Variants in ITPR3 observed in about 807,000 individuals in gnomAD.
ITPR3 encodes inositol 1,4,5-trisphosphate receptor type 3.
ITPR3 carries 173 observed loss-of-function variants against 293.2 expected under a neutral mutation model. The observed-to-expected ratio is 0.59, with a 90% CI of 0.52 to 0.67. The LOEUF is 0.67. ITPR3 is among the 30% of genes least tolerant of loss of function. The pLI, the probability that ITPR3 is intolerant of heterozygous loss-of-function variation, is 0.00. For missense variants in ITPR3, 2,796 were observed against 3,592.1 expected (o/e 0.78, Z 5.66); for synonymous variants, 1,295 against 1,444.4 (o/e 0.90, Z 2.35).
chr6:33,663,668 T>G (rs2127271096), intron 10 of ITPR3, 70 bp from the exon 11 acceptor site: 2 of 1,608,512 alleles, frequency 1.2e-6, no homozygotes, highest in Middle Eastern at 3.3e-4. Context: ...GGATCTCAGG[T>G]GGGATCCCAG....
In ITPR3 at chr6:33,672,187, G is replaced by T; in HGVS notation, c.2887G>T (p.Val963Leu). ...RSKFEENEDI[V>L]VMETKLKILE... ...CAAGTTTGAGGAGAATGAGGACATT[G>T]TGGTGATGGAGACCAAGCTGAAGAT... The change falls in exon 22 of 58, where the codon GTG becomes TTG. Residue 963 changes from valine to leucine, a missense_variant. Physicochemically the swap from Val to Leu is conservative, Grantham distance 32 (BLOSUM62 1). This residue lies in a region of ITPR3 where 955 missense variants were observed against 1,180.8 expected (regional missense o/e 0.81). Transcript: ENST00000605930. The surrounding 1 kb of genome is among the most constrained non-coding windows in gnomAD (Gnocchi z 5.0). 1 of 1,613,990 alleles carries T rather than the reference G, an allele frequency of 6.2e-7. No homozygotes were observed. Among genetic ancestry groups the T allele is most frequent in the Non-Finnish European group, 8.5e-7 (1 of 1,180,000 alleles).
chr6:33,663,278 C>T (rs1764522504), intron 9 of ITPR3, among the ~76,000 whole-genome samples: 1 of 152,172 alleles, frequency 6.6e-6, no homozygotes, highest in Non-Finnish European at 1.5e-5. Flanking sequence ...AATGCGCACA[C>T]TTGTGTGTGT....
At position 33,667,589 on chromosome 6, in the gene ITPR3, G is replaced by A. The variant is rs564466319; in HGVS notation, c.1714-203G>A. 8.5e-5 allele frequency among the ~76,000 whole-genome samples: 13 copies of A among 152,304 alleles called. No homozygotes were observed. Among genetic ancestry groups the A allele is most frequent in the Admixed American group, 2.6e-4 (4 of 15,304 alleles). On this transcript the variant is annotated intron_variant, in intron 15 of 57. Coordinates refer to ENST00000605930, the MANE Select transcript of ITPR3 (RefSeq NM_002224.4). The surrounding 1 kb of genome is among the most constrained non-coding windows in gnomAD (Gnocchi z 4.4). ...AGGTCCCTGCCCTCGTGGAGGTTTC[G>A]CTCTGGTGGGAAACAGCCCACAAGC...
rs59543122 is a variant in ITPR3, at chr6:33,636,123, C to CAAAAAAAA, written c.90-4339_90-4332dup. Reference sequence around the variant, plus strand: ...CCAACGTGGTGAAACGCTGTCTCTACAAAAAAAAAAAAAAAAAAAAAAAAA... The same window carrying CAAAAAAAA: ...CCAACGTGGTGAAACGCTGTCTCTACAAAAAAAAAAAAAAAAAAAAAAAAAAAAAAAAA... On this transcript the variant is annotated intron_variant, in intron 1 of 57. Coordinates refer to ENST00000605930, the MANE Select transcript of ITPR3 (RefSeq NM_002224.4). Among the ~76,000 whole-genome samples the CAAAAAAAA allele has an allele frequency of 7.6e-4, 63 of 83,310 alleles. 1 individual carries two copies. Among genetic ancestry groups the CAAAAAAAA allele is most frequent in the Non-Finnish European group, 1.2e-3 (58 of 48,146 alleles). The allele number at this position is 83,310 out of a possible 152,430, so 54.7% of individuals were successfully genotyped here.
At chr6:33,689,153 A>G in intron 49 of ITPR3, 85 bp from the exon 50 acceptor site, 1 of 1,466,804 alleles carries the variant, frequency 6.8e-7, no homozygotes, top group South Asian at 1.2e-5. Flanking sequence ...GGCCAGGAGA[A>G]GGTGGCTTTT....
chr6:33,650,604 C>T (rs1764163775), intron 2 of ITPR3, among the ~76,000 whole-genome samples: 1 of 152,196 alleles, frequency 6.6e-6, no homozygotes, highest in South Asian at 2.1e-4. Flanking sequence ...AATGCATCCA[C>T]CCTATAAGGG....
At chr6:33,693,035 A>T in intron 55 of ITPR3, 142 bp downstream of exon 55, 1 of 780,488 alleles carries the variant, frequency 1.3e-6, no homozygotes. Flanking sequence ...TCATCCCAGA[A>T]CTGGGGAGAA....
intron 2 of ITPR3, among the ~76,000 whole-genome samples, chr6:33,643,161 G>A (rs143391660): frequency 7.2e-5 from 11 of 152,344 alleles, no homozygotes; most frequent in East Asian, 1.9e-4. Flanking sequence ...TATGGCAGGC[G>A]TTTTAGAAGT....
chr6:33,640,766 A>C (rs1763932978), intron 2 of ITPR3, among the ~76,000 whole-genome samples: 1 of 151,888 alleles, frequency 6.6e-6, no homozygotes, highest in Non-Finnish European at 1.5e-5. Flanking sequence ...CTGGGGCCAC[A>C]CCCCACTTCT....
rs770956589 is a variant in ITPR3 at position 33,675,732 on chromosome 6, G to A, written c.3158G>A (p.Arg1053His). 3.1e-6 allele frequency: 5 copies of A among 1,611,172 alleles called. No homozygotes were observed. Among genetic ancestry groups the A allele is most frequent in the African/African-American group, 2.7e-5 (2 of 74,770 alleles). Residue 1053 changes from arginine (R) to histidine (H), a missense_variant, in exon 25 of 58, where the codon CGC (arginine) becomes CAC (histidine). Arg to His is a conservative substitution (Grantham distance 29, BLOSUM62 0). This residue lies in a region of ITPR3 where 955 missense variants were observed against 1,180.8 expected (regional missense o/e 0.81). Coordinates refer to ENST00000605930, the MANE Select transcript of ITPR3 (RefSeq NM_002224.4). This position sits in a 1 kb window ranked among gnomAD's most constrained non-coding sequence, Gnocchi z 5.0. ...CTGGAGGTGGATGACGAGGGCGGCC[G>A]CATGTTCCTGCGCGTGCTCATCCAC... ...SMLEVDDEGGRMFLRVLIHLT... is the reference protein window; with the variant it reads ...SMLEVDDEGGHMFLRVLIHLT...
intron 9 of ITPR3, 56 bp from the exon 10 acceptor site, chr6:33,663,444 C>A: frequency 6.6e-7 from 1 of 1,522,008 alleles, no homozygotes; most frequent in South Asian, 1.2e-5. Flanking sequence ...TGCAGTGGGT[C>A]GTGTGGGTAT....
In ITPR3 at chr6:33,687,610, C is replaced by G. The variant is rs1322236801; in HGVS notation, c.6264+46C>G. The G allele has an allele frequency of 2.0e-6, 3 of 1,466,512 alleles. No homozygotes were observed. Among genetic ancestry groups the G allele is most frequent in the Non-Finnish European group, 2.8e-6 (3 of 1,057,566 alleles). The allele number at this position is 1,466,512 out of a possible 1,614,324, so 90.8% of individuals were successfully genotyped here. A position where few individuals can be genotyped will look rare whatever the true frequency, so the allele number is the denominator to read the frequency against. ...TGGGGTGGGGGTGGGGCCTGGAACC[C>G]AGGGAGGACACTTGACCCAAGGGCG... On this transcript the variant is annotated intron_variant, in intron 46 of 57. Transcript: ENST00000605930. The surrounding 1 kb of genome is among the most constrained non-coding windows in gnomAD (Gnocchi z 5.3).
chr6:33,662,010 A>AAAAAAAAAAAAC (rs1764484156), intron 7 of ITPR3, among the ~76,000 whole-genome samples: 1 of 150,430 alleles, frequency 6.6e-6, no homozygotes, highest in Non-Finnish European at 1.5e-5. Flanking sequence ...AAAAAAAAAA[A>AAAAAAAAAAAAC]AAAAAAAGAC....
chr6:33,660,059 G>A (rs1049358715), intron 7 of ITPR3, among the ~76,000 whole-genome samples: 1 of 152,162 alleles, frequency 6.6e-6, no homozygotes, highest in Non-Finnish European at 1.5e-5. Context: ...TGAAGACTTC[G>A]GGAGGATCCA....
intron 1 of ITPR3, among the ~76,000 whole-genome samples, chr6:33,636,931 C>T (rs1763838520): frequency 1.3e-5 from 2 of 152,206 alleles, no homozygotes; most frequent in Non-Finnish European, 1.5e-5. Flanking sequence ...TCCCGTCATT[C>T]TGCAGTCCTG....
chr6:33,649,439 A>G (rs373399483), intron 2 of ITPR3, among the ~76,000 whole-genome samples: 1 of 151,536 alleles, frequency 6.6e-6, no homozygotes, highest in Non-Finnish European at 1.5e-5. Context: ...TGGTCAGGCT[A>G]GTCTCAAACT....
chr6:33,689,208 A>AGCCCTGCTC (rs770692327), intron 49 of ITPR3, 30 bp from the exon 50 acceptor site: 1 of 1,601,892 alleles, frequency 6.2e-7, no homozygotes, highest in South Asian at 1.1e-5. Context: ...GGCTTGAGGG[A>AGCCCTGCTC]GCCCTGCTCA....
chr6:33,623,076 G>A (rs1763474604), intron 1 of ITPR3, among the ~76,000 whole-genome samples: 1 of 152,114 alleles, frequency 6.6e-6, no homozygotes, highest in Non-Finnish European at 1.5e-5. Flanking sequence ...GCCTCCTCCA[G>A]AGAGCAGTGA....
In ITPR3 at chr6:33,687,478, C is replaced by A. The variant is rs753989473; in HGVS notation, c.6178C>A (p.Leu2060Ile). The part of the protein sequence containing the change: ...GHNIYILALQ[L>I]SRHNKQLQHL... ...GTGACTGTGCTGCCATTTCCCTCAG[C>A]TCTCCAGGCACAATAAACAGCTGCA... The change falls in exon 46 of 58, where the codon CTC becomes ATC. Residue 2060 changes from leucine to isoleucine, a missense_variant and splice_region_variant. Leu to Ile is a conservative substitution (Grantham distance 5). Around this residue, in one of 8 missense-constraint regions of ITPR3, gnomAD observed 704 missense variants for 797.5 expected, o/e 0.88. Coordinates refer to ENST00000605930, the MANE Select transcript of ITPR3 (RefSeq NM_002224.4). This position sits in a 1 kb window ranked among gnomAD's most constrained non-coding sequence, Gnocchi z 5.3. The A allele has an allele frequency of 2.7e-5, 43 of 1,610,420 alleles. No individual in the cohort carries two copies. Among genetic ancestry groups the A allele is most frequent in the Admixed American group, 1.5e-4 (9 of 59,758 alleles).
Sources: gnomAD v4.1 joint callset for allele counts (sites outside exome capture counted in the v4.1 genomes callset) on GRCh38, gnomAD v4.1.1 for gene constraint, gnomAD v4.1.1 regional missense constraint, Gnocchi (gnomAD v3.1) non-coding constraint, MANE v1.5 for transcripts, NCBI Gene and HGNC (gene_info 2026-07-23, HGNC 2026-07-21) for gene names.